Variants in GPC6 observed in about 807,000 individuals in gnomAD.
GPC6 encodes the protein glypican-6.
In GPC6, 14 loss-of-function variants were observed where a neutral mutation model predicts 55.2. The ratio of observed to expected loss-of-function variants is 0.25; its 90% CI spans 0.17 to 0.40. GPC6 has a LOEUF of 0.40. Ranked by LOEUF, GPC6 falls within the 10% of genes least tolerant of loss-of-function variation. GPC6 has a pLI of 1.00. For missense variants in GPC6, 641 were observed against 708.5 expected, an observed-to-expected ratio of 0.90 and a Z score of 1.08; for synonymous variants, 278 against 259.6, an observed-to-expected ratio of 1.07 and a Z score of -0.68.
chr13:93,238,185 TC>T (rs1459632182), intron 1 of GPC6, among the ~76,000 whole-genome samples: 2 of 152,212 alleles, frequency 1.3e-5, no homozygotes, highest in Non-Finnish European at 2.9e-5. Flanking sequence ...TATTGATTCT[TC>T]CAATCCATAA....
intron 6 of GPC6, among the ~76,000 whole-genome samples, chr13:94,365,753 C>A (rs764912293): frequency 1.3e-5 from 2 of 152,230 alleles, no homozygotes; most frequent in South Asian, 4.1e-4. Context: ...CAATATCTTA[C>A]GTAAGATAAG....
At chr13:93,997,093 C>A (rs1881589420) in intron 3 of GPC6, among the ~76,000 whole-genome samples, 1 of 152,122 alleles carries the variant, frequency 6.6e-6, no homozygotes, top group Admixed American at 6.6e-5. Flanking sequence ...AATTCCTACA[C>A]CCGTGTTATC....
At chr13:93,973,902 C>T (rs1880404465) in intron 3 of GPC6, among the ~76,000 whole-genome samples, 1 of 152,206 alleles carries the variant, frequency 6.6e-6, no homozygotes, top group South Asian at 2.1e-4. Flanking sequence ...CCTGCCTTGT[C>T]TGCCCCTCCT....
chr13:93,567,087 G>T (rs1876162312), intron 2 of GPC6, among the ~76,000 whole-genome samples: 2 of 152,136 alleles, frequency 1.3e-5, no homozygotes, highest in African/African-American at 4.8e-5. Flanking sequence ...CCCAGTAATG[G>T]GATCACTGGG....
chr13:93,387,255 C>T (rs1039032008), intron 1 of GPC6, among the ~76,000 whole-genome samples: 1 of 151,836 alleles, frequency 6.6e-6, no homozygotes, highest in Non-Finnish European at 1.5e-5. Flanking sequence ...CTTGCTGCAG[C>T]TATCAACCCG....
At chr13:93,545,762 C>A (rs1339949727) in intron 2 of GPC6, among the ~76,000 whole-genome samples, 5 of 152,032 alleles carry the variant, frequency 3.3e-5, no homozygotes, top group Admixed American at 2.0e-4. Context: ...GGGGATTCTC[C>A]TTAAAAAATA....
At chr13:94,020,833 A>G (rs1882665326) in intron 3 of GPC6, among the ~76,000 whole-genome samples, 1 of 152,200 alleles carries the variant, frequency 6.6e-6, no homozygotes, top group South Asian at 2.1e-4. Context: ...ATGAATAAAG[A>G]TGAAATAAAT....
chr13:93,389,360 C>T (rs563050717), intron 1 of GPC6, among the ~76,000 whole-genome samples: 17 of 151,562 alleles, frequency 1.1e-4, no homozygotes, highest in South Asian at 1.0e-3. Context: ...AATAAATAGC[C>T]GGGCGTGGTG....
chr13:93,698,796 T>C (rs759259442), intron 2 of GPC6, among the ~76,000 whole-genome samples: 2 of 152,040 alleles, frequency 1.3e-5, no homozygotes, highest in African/African-American at 2.4e-5. Flanking sequence ...CCTCCCTCTT[T>C]TCCCTCTCTC....
intron 2 of GPC6, among the ~76,000 whole-genome samples, chr13:93,591,761 T>C (rs2139509065): frequency 6.6e-6 from 1 of 152,296 alleles, no homozygotes; most frequent in East Asian, 1.9e-4. Context: ...TTCCTCTATA[T>C]GAGATCAAAA....
At chr13:93,331,551 A>G (rs558508837) in intron 1 of GPC6, among the ~76,000 whole-genome samples, 1 of 152,286 alleles carries the variant, frequency 6.6e-6, no homozygotes, top group African/African-American at 2.4e-5. Flanking sequence ...ATATAAGCAT[A>G]TGCATATCTG....
chr13:93,646,121 TA>T (rs1444579814), intron 2 of GPC6, among the ~76,000 whole-genome samples: 1 of 152,096 alleles, frequency 6.6e-6, no homozygotes, highest in Non-Finnish European at 1.5e-5. Flanking sequence ...AATTCAGGAA[TA>T]AAAAGAAGGC....
At chr13:93,324,090 A>G (rs1276526423) in intron 1 of GPC6, among the ~76,000 whole-genome samples, 1 of 152,230 alleles carries the variant, frequency 6.6e-6, no homozygotes, top group Non-Finnish European at 1.5e-5. Context: ...GTACATATAC[A>G]TAGTGGAGTA....
chr13:94,388,320 C>A (rs1428105336), intron 7 of GPC6, among the ~76,000 whole-genome samples: 1 of 152,102 alleles, frequency 6.6e-6, no homozygotes, highest in Non-Finnish European at 1.5e-5. Context: ...TTAAAAATAA[C>A]AACAGCAATA....
At chr13:94,082,029 C>T (rs752519987) in intron 4 of GPC6, among the ~76,000 whole-genome samples, 7 of 151,752 alleles carry the variant, frequency 4.6e-5, no homozygotes, top group Non-Finnish European at 7.4e-5. Context: ...TTAGTAGAGA[C>T]GGGGTTTCAC....
intron 4 of GPC6, among the ~76,000 whole-genome samples, chr13:94,095,016 A>G (rs1304957165): frequency 6.6e-6 from 1 of 152,150 alleles, no homozygotes; most frequent in Non-Finnish European, 1.5e-5. Flanking sequence ...TCTGGCAATC[A>G]TATTATCTAC....
chr13:94,233,021 CAGGAAACA>C (rs1890779473), intron 4 of GPC6, among the ~76,000 whole-genome samples: 2 of 125,364 alleles, frequency 1.6e-5, no homozygotes, highest in Non-Finnish European at 3.2e-5. Flanking sequence ...TTGGTGGGAC[CAGGAAACA>C]TGGAACTGAC....
At chr13:94,208,446 G>A (rs1889970535) in intron 4 of GPC6, among the ~76,000 whole-genome samples, 1 of 151,912 alleles carries the variant, frequency 6.6e-6, no homozygotes, top group South Asian at 2.1e-4. Context: ...GATTAGTTAT[G>A]GAAAACTTTT....
At chr13:93,901,942 CATA>C (rs1440948308) in intron 3 of GPC6, among the ~76,000 whole-genome samples, 2 of 146,354 alleles carry the variant, frequency 1.4e-5, no homozygotes, top group African/African-American at 2.5e-5. Flanking sequence ...TTCATTGACA[CATA>C]ATAATTATAC....
Sources: allele counts gnomAD v4.1 joint callset (sites outside exome capture counted in the v4.1 genomes callset), GRCh38; gene constraint gnomAD v4.1.1; transcripts MANE v1.5; gene names NCBI Gene and HGNC (gene_info 2026-07-23, HGNC 2026-07-21).